Variants in IL15 observed in about 807,000 individuals in gnomAD.
IL15 encodes interleukin-15.
Under a neutral mutation model 19.6 loss-of-function variants are expected in IL15, and 11 were observed. That is an observed-to-expected ratio of 0.56 (90% CI 0.35 to 0.93). IL15 has a LOEUF of 0.93. Among genes scored for constraint, IL15 ranks in the 40% least tolerant of loss-of-function variants. The probability of loss-of-function intolerance (pLI) is 0.01; values close to 1 mark genes in which losing one functional copy is unlikely to be tolerated. For missense variants in IL15, 197 were observed against 186.5 expected (o/e 1.06, Z -0.33); for synonymous variants, 58 against 59.6 (o/e 0.97, Z 0.12).
intron 1 of IL15, among the ~76,000 whole-genome samples, chr4:141,654,147 A>G (rs533101849): frequency 8.7e-4 from 133 of 152,288 alleles, no homozygotes; most frequent in African/African-American, 3.1e-3. Flanking sequence ...GGCAGATCAA[A>G]ACAGGGTGGG....
chr4:141,716,756 C>T (rs994353776), intron 2 of IL15: 1 of 152,302 alleles, frequency 6.6e-6, no homozygotes, highest in African/African-American at 2.4e-5. Context: ...ATAGGCTGAG[C>T]CTAGGAAAGC....
At chr4:141,655,508 C>T (rs1387442501) in intron 1 of IL15, among the ~76,000 whole-genome samples, 4 of 151,902 alleles carry the variant, frequency 2.6e-5, no homozygotes, top group Admixed American at 6.6e-5. Context: ...TTGGATCATA[C>T]TGAAATTTGA....
intron 2 of IL15, among the ~76,000 whole-genome samples, chr4:141,682,188 C>T (rs1728555997): frequency 6.6e-6 from 1 of 152,186 alleles, no homozygotes; most frequent in East Asian, 1.9e-4. Flanking sequence ...TTAAAGTTAA[C>T]AAGGTAAGTA....
intron 1 of IL15, among the ~76,000 whole-genome samples, chr4:141,646,108 T>TG (rs1289825156): frequency 6.6e-6 from 1 of 152,004 alleles, no homozygotes; most frequent in Non-Finnish European, 1.5e-5. Flanking sequence ...TGCATGTTCA[T>TG]GGGGGGAAGG....
chr4:141,725,491 G>A (rs1333023036), intron 5 of IL15, among the ~76,000 whole-genome samples: 2 of 152,122 alleles, frequency 1.3e-5, no homozygotes, highest in African/African-American at 2.4e-5. Context: ...AACCAACACT[G>A]CTGGTACCCT....
At chr4:141,671,034 C>T (rs1274673880) in intron 2 of IL15, among the ~76,000 whole-genome samples, 1 of 152,160 alleles carries the variant, frequency 6.6e-6, no homozygotes, top group Non-Finnish European at 1.5e-5. Context: ...GGAGCAGACT[C>T]ATTTATCTAT....
At chr4:141,680,510 G>T (rs572540415) in intron 2 of IL15, among the ~76,000 whole-genome samples, 1 of 152,106 alleles carries the variant, frequency 6.6e-6, no homozygotes, top group South Asian at 2.1e-4. Flanking sequence ...TTATGTCTTG[G>T]CTATAAAGTA....
At chr4:141,716,286 T>G (rs1729881371) in intron 2 of IL15, 1 of 152,224 alleles carries the variant, frequency 6.6e-6, no homozygotes, top group Admixed American at 6.5e-5. Context: ...GATGGCAGAA[T>G]GGTTTCGGGT....
chr4:141,682,496 G>T (rs771868011), intron 2 of IL15, among the ~76,000 whole-genome samples: 1 of 152,082 alleles, frequency 6.6e-6, no homozygotes, highest in African/African-American at 2.4e-5. Flanking sequence ...ACTTACTTCT[G>T]CATGTCCATA....
At chr4:141,689,715 G>A (rs947080887) in intron 2 of IL15, among the ~76,000 whole-genome samples, 3 of 152,166 alleles carry the variant, frequency 2.0e-5, no homozygotes, top group Admixed American at 1.3e-4. Flanking sequence ...ACAGAGTGCC[G>A]ATTGGTGTAT....
At chr4:141,720,388 TA>T in intron 3 of IL15, 80 bp from the exon 4 acceptor site, 1 of 734,264 alleles carries the variant, frequency 1.4e-6, no homozygotes, top group African/African-American at 1.8e-5. Context: ...TCTTTAGACC[TA>T]AAAATATGTT....
intron 1 of IL15, among the ~76,000 whole-genome samples, chr4:141,644,745 A>G (rs1040730773): frequency 6.6e-6 from 1 of 152,180 alleles, no homozygotes; most frequent in East Asian, 1.9e-4. Context: ...TTGTCCCAAC[A>G]TACAATGGTA....
At chr4:141,681,808 C>T (rs925922717) in intron 2 of IL15, among the ~76,000 whole-genome samples, 2 of 152,012 alleles carry the variant, frequency 1.3e-5, no homozygotes, top group African/African-American at 2.4e-5. Flanking sequence ...TAAGTCAAGT[C>T]GTTAATTGGC....
At chr4:141,675,223 A>C (rs552891454) in intron 2 of IL15, among the ~76,000 whole-genome samples, 1 of 152,202 alleles carries the variant, frequency 6.6e-6, no homozygotes, top group African/African-American at 2.4e-5. Flanking sequence ...GTGTGACACT[A>C]TTCTGGAGAT....
chr4:141,661,747 T>G (rs113118952), intron 2 of IL15, among the ~76,000 whole-genome samples: 1 of 152,160 alleles, frequency 6.6e-6, no homozygotes, highest in Non-Finnish European at 1.5e-5. Context: ...AATGGCGAGC[T>G]CTGTTGCACT....
chr4:141,667,253 C>G (rs1447379337), intron 2 of IL15, among the ~76,000 whole-genome samples: 1 of 152,074 alleles, frequency 6.6e-6, no homozygotes, highest in Non-Finnish European at 1.5e-5. Context: ...TTAATCAAAC[C>G]CAAGGACCGG....
chr4:141,697,118 T>C (rs797015470), intron 2 of IL15, among the ~76,000 whole-genome samples: 82 of 152,280 alleles, frequency 5.4e-4, no homozygotes, highest in African/African-American at 2.0e-3. Flanking sequence ...CCCAATGTTG[T>C]CTTCCAGAAT....
At chr4:141,732,208 A>G (rs1730473609) in intron 7 of IL15, among the ~76,000 whole-genome samples, 1 of 152,206 alleles carries the variant, frequency 6.6e-6, no homozygotes, top group Non-Finnish European at 1.5e-5. Flanking sequence ...CCTCCCTAAA[A>G]GAGTACCTGA....
intron 2 of IL15, among the ~76,000 whole-genome samples, chr4:141,663,779 T>C (rs1038487943): frequency 1.3e-5 from 2 of 152,130 alleles, no homozygotes; most frequent in African/African-American, 4.8e-5. Context: ...TGAAAAGGGG[T>C]TCTGGCTCCT....
Sources: gnomAD v4.1 joint callset for allele counts (sites outside exome capture counted in the v4.1 genomes callset) on GRCh38, gnomAD v4.1.1 for gene constraint, MANE v1.5 for transcripts, NCBI Gene and HGNC (gene_info 2026-07-23, HGNC 2026-07-21) for gene names.